Variants in ABTB3 observed in about 807,000 individuals in gnomAD.
ABTB3 encodes ankyrin repeat- and BTB/POZ domain-containing protein 3.
chr12:107,544,620 G>A, the ABTB3 span, among the ~76,000 whole-genome samples: 21 of 152,304 alleles, frequency 1.4e-4, 1 homozygote, highest in East Asian at 2.7e-3. Context: ...AAATCCTCAT[G>A]GGGAAGGAAG....
chr12:107,472,684 A>G, the ABTB3 span, among the ~76,000 whole-genome samples: 1 of 152,242 alleles, frequency 6.6e-6, no homozygotes, highest in African/African-American at 2.4e-5. Flanking sequence ...TGCTGTTATC[A>G]GCACCGCGCC....
chr12:107,550,054 G>C, the ABTB3 span, among the ~76,000 whole-genome samples: 1 of 152,176 alleles, frequency 6.6e-6, no homozygotes, highest in Non-Finnish European at 1.5e-5. Flanking sequence ...AAGAATATCT[G>C]ATACTGTCCT....
the ABTB3 span, among the ~76,000 whole-genome samples, chr12:107,548,000 G>A: frequency 7.2e-5 from 11 of 152,210 alleles, no homozygotes; most frequent in Non-Finnish European, 1.2e-4. Context: ...TATTTCTTCC[G>A]GCTCCCTGAT....
the ABTB3 span, among the ~76,000 whole-genome samples, chr12:107,544,656 C>T: frequency 6.6e-6 from 1 of 152,206 alleles, no homozygotes; most frequent in African/African-American, 2.4e-5. Flanking sequence ...CCGGAGGCTG[C>T]CTGGAGGCCT....
the ABTB3 span, among the ~76,000 whole-genome samples, chr12:107,370,238 A>C: frequency 6.6e-6 from 1 of 152,114 alleles, no homozygotes; most frequent in Non-Finnish European, 1.5e-5. Context: ...CTAATGGATG[A>C]CTTCTCCTCA....
the ABTB3 span, among the ~76,000 whole-genome samples, chr12:107,498,892 T>C: frequency 6.6e-6 from 1 of 152,224 alleles, no homozygotes; most frequent in African/African-American, 2.4e-5. Context: ...GTTAGGAACA[T>C]AGTACTATAT....
chr12:107,655,732 C>T, the ABTB3 span, among the ~76,000 whole-genome samples: 2 of 152,196 alleles, frequency 1.3e-5, no homozygotes, highest in African/African-American at 4.8e-5. Context: ...AAATGCATGG[C>T]TTAGCCAGCT....
the ABTB3 span, among the ~76,000 whole-genome samples, chr12:107,429,534 C>T: frequency 6.6e-6 from 1 of 152,196 alleles, no homozygotes. Context: ...GGCTCTTGGG[C>T]ATTTGTCCTC....
chr12:107,608,980 TAAA>T, the ABTB3 span, among the ~76,000 whole-genome samples: 15 of 92,512 alleles, frequency 1.6e-4, no homozygotes, highest in African/African-American at 3.5e-4. Context: ...TAAAATAAAA[TAAA>T]ATAAAATAAA....
At chr12:107,631,354 A>G in the ABTB3 span, among the ~76,000 whole-genome samples, 11 of 152,302 alleles carry the variant, frequency 7.2e-5, no homozygotes, top group East Asian at 2.1e-3. Flanking sequence ...TGCACCACTG[A>G]TGGACACCTT....
the ABTB3 span, among the ~76,000 whole-genome samples, chr12:107,389,257 C>T: frequency 1.3e-5 from 2 of 152,194 alleles, no homozygotes; most frequent in South Asian, 2.1e-4. Context: ...GTGACTCAAG[C>T]TGTAACCACC....
At chr12:107,592,939 TA>T in the ABTB3 span, among the ~76,000 whole-genome samples, 1 of 152,234 alleles carries the variant, frequency 6.6e-6, no homozygotes, top group African/African-American at 2.4e-5. Flanking sequence ...AAAAGTTGTC[TA>T]CTTAGCCAGT....
chr12:107,631,933 T>C, the ABTB3 span, among the ~76,000 whole-genome samples: 3 of 152,374 alleles, frequency 2.0e-5, no homozygotes, highest in East Asian at 5.8e-4. Flanking sequence ...CTCTTTGGAA[T>C]GCAGTGAGCA....
At chr12:107,436,598 A>C in the ABTB3 span, among the ~76,000 whole-genome samples, 1 of 152,210 alleles carries the variant, frequency 6.6e-6, no homozygotes. Context: ...CAGCATCCAG[A>C]ATGGTTATCC....
chr12:107,638,032 G>C, the ABTB3 span, among the ~76,000 whole-genome samples: 1 of 152,072 alleles, frequency 6.6e-6, no homozygotes, highest in Non-Finnish European at 1.5e-5. Flanking sequence ...CAACTCTCAG[G>C]CCTTCTCCCC....
At chr12:107,468,852 T>C in the ABTB3 span, among the ~76,000 whole-genome samples, 8 of 152,150 alleles carry the variant, frequency 5.3e-5, no homozygotes, top group Admixed American at 3.9e-4. Flanking sequence ...TAACCCATGA[T>C]GTGGTACAGC....
At chr12:107,362,587 G>A in the ABTB3 span, among the ~76,000 whole-genome samples, 555 of 152,302 alleles carry the variant, frequency 3.6e-3, 4 homozygotes, top group African/African-American at 0.013. Flanking sequence ...GAGGTCAGGA[G>A]TTTGAGACCA....
the ABTB3 span, among the ~76,000 whole-genome samples, chr12:107,445,508 A>T: frequency 6.6e-6 from 1 of 152,158 alleles, no homozygotes; most frequent in Non-Finnish European, 1.5e-5. Context: ...AGTGGTGCCC[A>T]GGGAGTGGGT....
At chr12:107,400,568 A>C in the ABTB3 span, among the ~76,000 whole-genome samples, 1 of 152,048 alleles carries the variant, frequency 6.6e-6, no homozygotes, top group Non-Finnish European at 1.5e-5. Context: ...GAGTCTCCTT[A>C]CCTGTACAAT....
Sources: gnomAD v4.1 joint callset for allele counts (sites outside exome capture counted in the v4.1 genomes callset) on GRCh38, gnomAD v4.1.1 for gene constraint, MANE v1.5 for transcripts, NCBI Gene and HGNC (gene_info 2026-07-23, HGNC 2026-07-21) for gene names.